Variants in MRPL27 observed in about 807,000 individuals in gnomAD.
MRPL27 encodes mitochondrial ribosomal protein L27.
Under a neutral mutation model 14.6 loss-of-function variants are expected in MRPL27, and 4 were observed. The ratio of observed to expected loss-of-function variants is 0.27; its 90% CI spans 0.14 to 0.63. The LOEUF is 0.63. Among genes scored for constraint, MRPL27 ranks in the 20% least tolerant of loss-of-function variants. The pLI, the probability that MRPL27 is intolerant of heterozygous loss-of-function variation, is 0.85. For missense variants in MRPL27, 196 were observed against 192.8 expected, an observed-to-expected ratio of 1.02 and a Z score of -0.10; for synonymous variants, 82 against 75.5, an observed-to-expected ratio of 1.09 and a Z score of -0.45.
At chr17:50,369,135 T>C (rs1015688710) in intron 3 of MRPL27, 2 of 462,218 alleles carry the variant, frequency 4.3e-6, no homozygotes, top group African/African-American at 4.0e-5. Flanking sequence ...GTCTGTCAAA[T>C]GGGGATAATA....
At chr17:50,371,890 C>T (rs569771913) in intron 1 of MRPL27, among the ~76,000 whole-genome samples, 2 of 152,316 alleles carry the variant, frequency 1.3e-5, no homozygotes, top group South Asian at 4.1e-4. Flanking sequence ...TCCCCATCCT[C>T]CTCCTCAAAG....
intron 3 of MRPL27, chr17:50,368,798 T>C (rs530403757): frequency 1.4e-6 from 1 of 699,596 alleles, no homozygotes. Context: ...CTAATACCCA[T>C]GTAAGCCCTT....
At chr17:50,371,421 C>T (rs1220611147) in intron 1 of MRPL27, among the ~76,000 whole-genome samples, 2 of 152,210 alleles carry the variant, frequency 1.3e-5, no homozygotes, top group East Asian at 3.9e-4. Flanking sequence ...AACCATGACC[C>T]ACACACTGCC....
chr17:50,369,734 G>C, intron 3 of MRPL27: 2 of 443,096 alleles, frequency 4.5e-6, no homozygotes, highest in Middle Eastern at 5.7e-4. Flanking sequence ...TTAGAAAGGA[G>C]AACCAAGAAT....
rs754561627 is a variant in MRPL27 at position 50,370,579 on chromosome 17, G to C, written c.48C>G (p.Ser16=). Residue 16 remains serine, a synonymous_variant, in exon 2 of 4, where the codon TCC becomes TCG. Coordinates refer to ENST00000225969, the MANE Select transcript of MRPL27 (RefSeq NM_016504.3). ...CTGTAGCCGGAGTGGGGCTTAGCAA[G>C]GATGTAACTGCAGAGAAAACAGAAA... ...LALRTRTAVT[S]LLSPTPATAL... The C allele has an allele frequency of 6.2e-7, 1 of 1,614,132 alleles. No individual in the cohort carries two copies. Among genetic ancestry groups the C allele is most frequent in the South Asian group, 1.1e-5 (1 of 91,078 alleles).
Position 50,370,489 on chromosome 17 carries a change from T to A in MRPL27, c.138A>T (p.Ser46=). 3 of 1,614,222 alleles carry A rather than the reference T, an allele frequency of 1.9e-6. No individual in the cohort carries two copies. The highest frequency in any genetic ancestry group is 2.5e-6 in the Non-Finnish European group (3 of 1,180,042). Residue 46 remains serine (S), a synonymous_variant, in exon 2 of 4, where the codon TCA becomes TCT. Transcript: ENST00000225969. ...TCTTAATGCCTTGGCGTCTGCCTGATGACTTTCCACCGAGGTTTTTGGAGC... is the reference window on the plus strand; with the variant it reads ...TCTTAATGCCTTGGCGTCTGCCTGAAGACTTTCCACCGAGGTTTTTGGAGC... ...GGSSKNLGGK[S]SGRRQGIKKM... is the part of the protein sequence containing the mutation.
At chr17:50,369,762 C>A in intron 3 of MRPL27, 1 of 508,700 alleles carries the variant, frequency 2.0e-6, no homozygotes, top group Non-Finnish European at 3.4e-6. Context: ...CAATGCAACA[C>A]CAGGGCAAAT....
chr17:50,370,195 T>C (rs1913088811), intron 2 of MRPL27, 96 bp from the exon 3 acceptor site: 1 of 1,355,646 alleles, frequency 7.4e-7, no homozygotes, highest in South Asian at 1.4e-5. Flanking sequence ...AGCCTGCCCC[T>C]GGCCAAAAAC....
Sources: allele counts gnomAD v4.1 joint callset (sites outside exome capture counted in the v4.1 genomes callset), GRCh38; gene constraint gnomAD v4.1.1; transcripts MANE v1.5; gene names NCBI Gene and HGNC (gene_info 2026-07-23, HGNC 2026-07-21).